Variants in RORA observed in about 807,000 individuals in gnomAD.
The protein encoded by RORA is RAR related orphan receptor A.
In RORA, 7 loss-of-function variants were observed where a neutral mutation model predicts 69.5. The observed-to-expected ratio is 0.10, with a 90% confidence interval of 0.06 to 0.19. The LOEUF is 0.19. RORA is among the 10% of genes least tolerant of loss of function. The pLI is 1.00. For missense variants in RORA, 457 were observed against 663.0 expected (o/e 0.69, Z 3.41); for synonymous variants, 261 against 240.8 (o/e 1.08, Z -0.78).
chr15:60,863,782 G>T (rs1323089948), intron 1 of RORA, among the ~76,000 whole-genome samples: 1 of 150,456 alleles, frequency 6.6e-6, no homozygotes, highest in Non-Finnish European at 1.5e-5. Flanking sequence ...GTGGCCAGAA[G>T]ATTATGCATG....
chr15:61,035,141 G>A (rs1896389867), intron 1 of RORA, among the ~76,000 whole-genome samples: 1 of 152,120 alleles, frequency 6.6e-6, no homozygotes, highest in African/African-American at 2.4e-5. Context: ...TGCTTACTGT[G>A]TTCTGTTAAC....
chr15:60,942,399 C>A (rs7494821), intron 1 of RORA, among the ~76,000 whole-genome samples: 36,009 of 152,156 alleles, frequency 0.24, 5,060 homozygotes, highest in East Asian at 0.51. Context: ...AATTGTCAAA[C>A]CAGAACCAGG....
intron 1 of RORA, among the ~76,000 whole-genome samples, chr15:60,813,774 C>T (rs1386258088): frequency 3.3e-5 from 5 of 152,052 alleles, no homozygotes; most frequent in Admixed American, 3.3e-4. Context: ...ACCTGTGTTG[C>T]CTTATTTTAT....
intron 1 of RORA, among the ~76,000 whole-genome samples, chr15:61,219,523 A>C (rs963685382): frequency 6.6e-6 from 1 of 152,138 alleles, no homozygotes; most frequent in African/African-American, 2.4e-5. Flanking sequence ...TGCAGTGAGC[A>C]GACATCACGC....
intron 1 of RORA, among the ~76,000 whole-genome samples, chr15:60,931,176 A>G (rs1278956688): frequency 6.6e-6 from 1 of 152,182 alleles, no homozygotes; most frequent in Non-Finnish European, 1.5e-5. Context: ...AGCAGCAGAT[A>G]GGCTCCAGGT....
chr15:60,660,297 T>C (rs1009698019), intron 2 of RORA, among the ~76,000 whole-genome samples: 3 of 152,220 alleles, frequency 2.0e-5, no homozygotes, highest in Non-Finnish European at 2.9e-5. Context: ...AGTTAAAGGC[T>C]CAGAACTGGA....
chr15:60,663,965 G>T (rs2070343881), intron 2 of RORA, among the ~76,000 whole-genome samples: 1 of 152,160 alleles, frequency 6.6e-6, no homozygotes, highest in Non-Finnish European at 1.5e-5. Flanking sequence ...AGTAGGTAAA[G>T]CACTAGGAAA....
At chr15:61,227,587 G>GA (rs1312743500) in intron 1 of RORA, among the ~76,000 whole-genome samples, 1 of 151,884 alleles carries the variant, frequency 6.6e-6, no homozygotes, top group Non-Finnish European at 1.5e-5. Flanking sequence ...TGGGGGGGGG[G>GA]ATACTGTAAA....
At chr15:60,612,554 C>T (rs2069116869) in intron 2 of RORA, among the ~76,000 whole-genome samples, 1 of 152,042 alleles carries the variant, frequency 6.6e-6, no homozygotes, top group African/African-American at 2.4e-5. Context: ...TTAGCAAACC[C>T]AGCAGACTGG....
chr15:60,737,895 C>T (rs150654618), intron 1 of RORA, among the ~76,000 whole-genome samples: 1,936 of 152,322 alleles, frequency 0.013, 18 homozygotes, highest in Non-Finnish European at 0.019. Flanking sequence ...CTAGCAGAGA[C>T]TTCGGTGACA....
intron 2 of RORA, chr15:60,558,391 G>T: frequency 1.2e-6 from 1 of 807,292 alleles, no homozygotes; most frequent in South Asian, 1.6e-5. Context: ...TACAAAACAG[G>T]AACATCTCAT....
intron 6 of RORA, 72 bp from the exon 7 acceptor site, chr15:60,503,739 T>G (rs2065404056): frequency 6.3e-7 from 1 of 1,581,294 alleles, no homozygotes; most frequent in Non-Finnish European, 8.6e-7. Flanking sequence ...TGCAGAGTTA[T>G]GAAAGCAAAG....
intron 1 of RORA, among the ~76,000 whole-genome samples, chr15:61,193,093 C>T (rs963852582): frequency 6.6e-6 from 1 of 151,826 alleles, no homozygotes; most frequent in South Asian, 2.1e-4. Flanking sequence ...TTCAAACTCC[C>T]AATAGGAACC....
rs73430862 is a variant in RORA, at chr15:61,108,619, T to C, written c.166+120434A>G. Reference sequence around the variant, plus strand: ...CATTTACGGAAACGTCTGTAGACCTTTGCTACTACTAAACCATTACCACTA... The same window carrying C: ...CATTTACGGAAACGTCTGTAGACCTCTGCTACTACTAAACCATTACCACTA... On this transcript the variant is annotated intron_variant, in intron 1 of 10. Coordinates refer to ENST00000335670, the MANE Select transcript of RORA (RefSeq NM_134261.3). Among the ~76,000 whole-genome samples the C allele has an allele frequency of 2.8e-3, 420 of 152,314 alleles. 2 individuals are homozygous for C. The highest frequency in any genetic ancestry group is 9.3e-3 in the African/African-American group (386 of 41,562).
At chr15:61,212,411 A>C (rs1567039800) in intron 1 of RORA, among the ~76,000 whole-genome samples, 1 of 152,016 alleles carries the variant, frequency 6.6e-6, no homozygotes, top group South Asian at 2.1e-4. Flanking sequence ...TTACTTATTT[A>C]TTTTTTGGGA....
At position 60,505,710 on chromosome 15, in the gene RORA, TAAC is replaced by T. The variant is rs537995843; in HGVS notation, c.821-84_821-82del. ...GTGATTTAATATTTGCTTTAAGAAA[TAAC>T]AAGTAGAAAACAATGTGCTGTGCGA... On this transcript the variant is annotated intron_variant, in intron 5 of 10. Coordinates refer to ENST00000335670, the MANE Select transcript of RORA (RefSeq NM_134261.3). The T allele has an allele frequency of 2.1e-4, 311 of 1,506,286 alleles. 1 individual carries two copies. The African/African-American group carries it at 3.5e-3, about 17-fold the overall frequency. 93.3% of individuals were successfully genotyped at this position (1,506,286 alleles called of 1,614,324 possible). A position where few individuals can be genotyped will look rare whatever the true frequency, so the allele number is the denominator to read the frequency against.
intron 1 of RORA, among the ~76,000 whole-genome samples, chr15:60,957,539 T>C (rs1307163667): frequency 6.6e-6 from 1 of 152,238 alleles, no homozygotes. Flanking sequence ...GAACACCTAA[T>C]ATGTGACAAT....
At chr15:61,129,743 G>C (rs966032030) in intron 1 of RORA, among the ~76,000 whole-genome samples, 1 of 152,186 alleles carries the variant, frequency 6.6e-6, no homozygotes, top group Non-Finnish European at 1.5e-5. Flanking sequence ...AATTTAAAAA[G>C]AGAAGGACAA....
chr15:60,669,860 G>A lies in RORA; in HGVS notation c.196+8797C>T, dbSNP rs1420063625. On this transcript the variant is annotated intron_variant, in intron 2 of 10. Coordinates refer to ENST00000335670, the MANE Select transcript of RORA (RefSeq NM_134261.3). ...TCATTACTGAAAGTTCCTCAAATGT[G>A]TGTGTCCTTTCTCCTAGATACAGAC... Among the ~76,000 whole-genome samples, 6 of 152,346 alleles carry A rather than the reference G, an allele frequency of 3.9e-5. No individual in the cohort carries two copies. In the East Asian group the frequency reaches 1.2e-3, roughly 29 times the overall value.
Sources: allele counts gnomAD v4.1 joint callset (sites outside exome capture counted in the v4.1 genomes callset), GRCh38; gene constraint gnomAD v4.1.1; transcripts MANE v1.5; gene names NCBI Gene and HGNC (gene_info 2026-07-23, HGNC 2026-07-21).